Variants in CDH18 observed in about 807,000 individuals in gnomAD.
The protein encoded by CDH18 is cadherin-18.
A neutral mutation model predicts 67.9 loss-of-function variants in CDH18; 31 were observed. That is an observed-to-expected ratio of 0.46 (90% CI 0.34 to 0.62). The LOEUF is 0.62. CDH18 is among the 20% of genes least tolerant of loss of function. The pLI is 0.01. For missense variants in CDH18, 890 were observed against 975.5 expected (o/e 0.91, Z 1.17); for synonymous variants, 362 against 347.2 (o/e 1.04, Z -0.48).
intron 2 of CDH18, among the ~76,000 whole-genome samples, chr5:19,907,149 C>G (rs898486751): frequency 6.6e-6 from 1 of 151,826 alleles, no homozygotes; most frequent in African/African-American, 2.4e-5. Context: ...CTTAAAATGT[C>G]AGTAATGCAA....
chr5:20,290,135 C>T (rs1355196764), intron 1 of CDH18, among the ~76,000 whole-genome samples: 1 of 152,110 alleles, frequency 6.6e-6, no homozygotes, highest in Non-Finnish European at 1.5e-5. Flanking sequence ...GGTTATACTG[C>T]TACCATCAGA....
intron 1 of CDH18, among the ~76,000 whole-genome samples, chr5:20,394,780 A>C (rs561564208): frequency 9.1e-4 from 138 of 152,288 alleles, no homozygotes; most frequent in African/African-American, 3.2e-3. Context: ...AATGATATGA[A>C]TAGAAATTTC....
At chr5:19,944,507 C>T (rs1348887907) in intron 2 of CDH18, among the ~76,000 whole-genome samples, 1 of 152,142 alleles carries the variant, frequency 6.6e-6, no homozygotes, top group African/African-American at 2.4e-5. Flanking sequence ...AAATCTTCAA[C>T]TCCCTTCAAT....
chr5:20,364,563 T>G (rs185767595), intron 1 of CDH18, among the ~76,000 whole-genome samples: 41 of 152,302 alleles, frequency 2.7e-4, no homozygotes, highest in Non-Finnish European at 2.9e-5. Context: ...AATGCCTGAA[T>G]TCAATTATAT....
At chr5:19,823,527 A>G (rs1780100031) in intron 3 of CDH18, among the ~76,000 whole-genome samples, 2 of 152,316 alleles carry the variant, frequency 1.3e-5, no homozygotes, top group South Asian at 4.1e-4. Context: ...CAACAAGAAG[A>G]CATAACTCAC....
chr5:20,508,857 T>G lies in CDH18; in HGVS notation c.-580+66605A>C, dbSNP rs181669514. ...CATAATTACTATCTCAATCATTTTA[T>G]CATTCTATCTCTGCCCAAATAATAG... On this transcript the variant is annotated intron_variant, in intron 1 of 14. Transcript: ENST00000507958. Among the ~76,000 whole-genome samples the G allele has an allele frequency of 2.6e-5, 4 of 152,238 alleles. No homozygotes were observed. The East Asian group carries it at 5.8e-4, about 22-fold the overall frequency.
chr5:20,339,880 A>G (rs1050440293), intron 1 of CDH18, among the ~76,000 whole-genome samples: 3 of 152,208 alleles, frequency 2.0e-5, no homozygotes, highest in Non-Finnish European at 4.4e-5. Context: ...GCTGAAAAAT[A>G]GGCAGCCCTG....
intron 1 of CDH18, among the ~76,000 whole-genome samples, chr5:20,409,639 A>C (rs1746597948): frequency 6.6e-6 from 1 of 151,688 alleles, no homozygotes; most frequent in Non-Finnish European, 1.5e-5. Flanking sequence ...AGTTAGCAGA[A>C]GAACATAATA....
At chr5:20,416,216 T>C (rs1201644436) in intron 1 of CDH18, among the ~76,000 whole-genome samples, 1 of 152,168 alleles carries the variant, frequency 6.6e-6, no homozygotes, top group African/African-American at 2.4e-5. Flanking sequence ...CTTAATCTTA[T>C]TGTAGTTAAT....
chr5:19,895,056 C>G (rs1047616547), intron 2 of CDH18, among the ~76,000 whole-genome samples: 5 of 152,084 alleles, frequency 3.3e-5, no homozygotes, highest in Non-Finnish European at 5.9e-5. Flanking sequence ...TAAATGCTCA[C>G]TTGAACACTG....
intron 1 of CDH18, among the ~76,000 whole-genome samples, chr5:20,368,587 T>G (rs1235791557): frequency 6.6e-6 from 1 of 152,224 alleles, no homozygotes; most frequent in Non-Finnish European, 1.5e-5. Context: ...GTTCTACTTT[T>G]GAATTGAAGA....
At chr5:20,440,272 A>G (rs1332129293) in intron 1 of CDH18, among the ~76,000 whole-genome samples, 1 of 151,852 alleles carries the variant, frequency 6.6e-6, no homozygotes, top group Non-Finnish European at 1.5e-5. Context: ...AGGCACAAAA[A>G]TAATTTGTTA....
At chr5:19,653,926 G>C (rs1238408905) in intron 5 of CDH18, among the ~76,000 whole-genome samples, 1 of 152,116 alleles carries the variant, frequency 6.6e-6, no homozygotes, top group Non-Finnish European at 1.5e-5. Context: ...CACCAATAAG[G>C]CCCTCTTTAT....
intron 1 of CDH18, among the ~76,000 whole-genome samples, chr5:20,332,311 A>G (rs1739257720): frequency 6.6e-6 from 1 of 152,224 alleles, no homozygotes; most frequent in Admixed American, 6.5e-5. Context: ...CAGTTTCTTT[A>G]ACTATATCAT....
intron 2 of CDH18, among the ~76,000 whole-genome samples, chr5:20,164,652 C>A (rs1285910651): frequency 2.0e-5 from 3 of 152,060 alleles, no homozygotes; most frequent in Non-Finnish European, 4.4e-5. Flanking sequence ...CAGACAAAAA[C>A]AAACTAGTTA....
intron 1 of CDH18, among the ~76,000 whole-genome samples, chr5:20,399,100 C>T (rs1201745506): frequency 2.0e-5 from 3 of 152,142 alleles, no homozygotes; most frequent in Non-Finnish European, 4.4e-5. Context: ...AGTCTGATCA[C>T]GGCATCTCGG....
chr5:20,332,690 AC>A (rs1200081729), intron 1 of CDH18, among the ~76,000 whole-genome samples: 3 of 152,208 alleles, frequency 2.0e-5, no homozygotes, highest in Non-Finnish European at 4.4e-5. Flanking sequence ...TAACAACAAA[AC>A]AATTCTAATA....
chr5:19,866,892 C>A (rs1785596819), intron 2 of CDH18, among the ~76,000 whole-genome samples: 1 of 152,074 alleles, frequency 6.6e-6, no homozygotes, highest in African/African-American at 2.4e-5. Flanking sequence ...GAGTTCAAGA[C>A]CAGACTGGCC....
chr5:20,417,728 C>G (rs1418608369), intron 1 of CDH18, among the ~76,000 whole-genome samples: 4 of 152,104 alleles, frequency 2.6e-5, no homozygotes, highest in Admixed American at 6.5e-5. Context: ...ATATGGTGCA[C>G]TGTATCATCA....
Sources: allele counts gnomAD v4.1 joint callset (sites outside exome capture counted in the v4.1 genomes callset), GRCh38; gene constraint gnomAD v4.1.1; transcripts MANE v1.5; gene names NCBI Gene and HGNC (gene_info 2026-07-23, HGNC 2026-07-21).